Variants in DUSP16 observed in about 807,000 individuals in gnomAD.
The protein encoded by DUSP16 is dual specificity protein phosphatase 16.
Under a neutral mutation model 58.3 loss-of-function variants are expected in DUSP16, and 21 were observed. The observed-to-expected ratio is 0.36, with a 90% CI of 0.26 to 0.52. DUSP16 has a LOEUF of 0.52. Ranked by LOEUF, DUSP16 falls within the 20% of genes least tolerant of loss-of-function variation. The pLI is 0.94. For missense variants in DUSP16, 726 were observed against 819.0 expected, an observed-to-expected ratio of 0.89 and a Z score of 1.39; for synonymous variants, 320 against 323.8, an observed-to-expected ratio of 0.99 and a Z score of 0.12.
In DUSP16 at chr12:12,521,467, C is replaced by T. The variant is rs150288888; in HGVS notation, c.-365-4G>A. 17 of 1,057,348 alleles carry T rather than the reference C, an allele frequency of 1.6e-5. No homozygotes were observed. The East Asian group carries it at 3.8e-4, about 24-fold the overall frequency. The allele number at this position is 1,057,348 out of a possible 1,614,324, so 65.5% of individuals were successfully genotyped here. On this transcript the variant is annotated splice_region_variant and splice_polypyrimidine_tract_variant and intron_variant, in intron 1 of 6. Transcript: ENST00000298573. The stretch of plus-strand genomic sequence containing the variant: ...AGCTTTACACTGGACTGAAAGCCTA[C>T]GCGGAGAGAGAAAGACAGAAAACAA...
chr12:12,539,786 C>T (rs1224976363), intron 1 of DUSP16, among the ~76,000 whole-genome samples: 1 of 150,164 alleles, frequency 6.7e-6, no homozygotes, highest in East Asian at 2.0e-4. Context: ...CACAGTGGTT[C>T]ACACCTGCAA....
At chr12:12,497,423 T>C (rs1361817130) in intron 4 of DUSP16, among the ~76,000 whole-genome samples, 1 of 152,166 alleles carries the variant, frequency 6.6e-6, no homozygotes, top group Non-Finnish European at 1.5e-5. Context: ...TGGTGTAATA[T>C]AAGCATGGGA....
At position 12,521,401 on chromosome 12, in the gene DUSP16, G is replaced by A; in HGVS notation, c.-303C>T. ...AACAAAAGATGCTTTGGAGCAGCCA[G>A]CGCATTACATCATTCTTTACCTTTG... is the stretch of plus-strand genomic sequence containing the variant. On this transcript the variant is annotated 5_prime_UTR_variant, in exon 2 of 7. Coordinates refer to ENST00000298573, the MANE Select transcript of DUSP16 (RefSeq NM_030640.3). 1 of 1,261,566 alleles carries A rather than the reference G, an allele frequency of 7.9e-7. No individual in the cohort carries two copies. Among genetic ancestry groups the A allele is most frequent in the Non-Finnish European group, 1.0e-6 (1 of 994,312 alleles). The allele number at this position is 1,261,566 out of a possible 1,614,324, so 78.1% of individuals were successfully genotyped here. A position where few individuals can be genotyped will look rare whatever the true frequency, so the allele number is the denominator to read the frequency against.
rs527241198 is a variant in DUSP16 at position 12,477,639 on chromosome 12, G to A, written c.1192C>T (p.Arg398Cys). The part of the protein sequence containing the change: ...DRLEDSNKLK[R>C]SFSLDIKSVS... ...GATTTGATATCCAGAGAGAAGGAAC[G>A]CTTGAGCTTATTGCTGTCTTCCAGC... is the stretch of plus-strand genomic sequence containing the variant. The change falls in exon 7 of 7, where the codon CGT becomes TGT. Residue 398 changes from arginine to cysteine, a missense_variant. Coordinates refer to ENST00000298573, the MANE Select transcript of DUSP16 (RefSeq NM_030640.3). This position sits in a 1 kb window ranked among gnomAD's most constrained non-coding sequence, Gnocchi z 4.1. The A allele has an allele frequency of 9.3e-6, 15 of 1,614,220 alleles. No homozygotes were observed. The highest frequency in any genetic ancestry group is 6.7e-5 in the East Asian group (3 of 44,886).
At chr12:12,484,005 A>T (rs1194831281) in intron 5 of DUSP16, among the ~76,000 whole-genome samples, 1 of 151,938 alleles carries the variant, frequency 6.6e-6, no homozygotes, top group African/African-American at 2.4e-5. Flanking sequence ...AATTAAAAAA[A>T]AATTTTACAT....
chr12:12,516,759 T>C (rs1417472715), intron 3 of DUSP16, among the ~76,000 whole-genome samples: 1 of 152,258 alleles, frequency 6.6e-6, no homozygotes, highest in East Asian at 1.9e-4. Flanking sequence ...CTGCTTAATA[T>C]GCTTATATTC....
At chr12:12,553,656 C>T (rs533894481) in intron 1 of DUSP16, among the ~76,000 whole-genome samples, 6 of 152,214 alleles carry the variant, frequency 3.9e-5, no homozygotes, top group African/African-American at 1.2e-4. Context: ...GATCCTCCTA[C>T]CTGAGCCCCA....
intron 3 of DUSP16, among the ~76,000 whole-genome samples, chr12:12,508,657 A>C (rs544934595): frequency 1.1e-4 from 17 of 152,206 alleles, no homozygotes; most frequent in Non-Finnish European, 1.9e-4. Flanking sequence ...TTTCTCTTTC[A>C]GGAAGGCTGA....
Position 12,474,168 on chromosome 12 carries a change from G to A in DUSP16, c.*2665C>T, listed in dbSNP as rs1473404951. On this transcript the variant is annotated 3_prime_UTR_variant, in exon 7 of 7. Coordinates refer to ENST00000298573, the MANE Select transcript of DUSP16 (RefSeq NM_030640.3). Reference sequence around the variant, plus strand: ...ACCACTGCCTCCTTTGGCAACTTGAGTGGTGGTGTTCCCACCGAGTTTATG... The same window carrying A: ...ACCACTGCCTCCTTTGGCAACTTGAATGGTGGTGTTCCCACCGAGTTTATG... 1 of 152,224 alleles carries A rather than the reference G, an allele frequency of 6.6e-6. No homozygotes were observed. The highest frequency in any genetic ancestry group is 2.4e-5 in the African/African-American group (1 of 41,444). 9.4% of individuals were successfully genotyped at this position (152,224 alleles called of 1,614,324 possible).
chr12:12,499,863 G>A (rs1943884435), intron 4 of DUSP16, among the ~76,000 whole-genome samples: 1 of 151,978 alleles, frequency 6.6e-6, no homozygotes, highest in African/African-American at 2.4e-5. Flanking sequence ...TTGCTGTTCT[G>A]CTTGTACCAT....
At chr12:12,500,868 G>A (rs1049121799) in intron 3 of DUSP16, among the ~76,000 whole-genome samples, 186 bp from the exon 4 acceptor site, 4 of 152,142 alleles carry the variant, frequency 2.6e-5, no homozygotes, top group East Asian at 1.9e-4. Context: ...GGCCTATAAC[G>A]CTACCATGGG....
At chr12:12,494,262 T>C (rs1943799392) in intron 4 of DUSP16, among the ~76,000 whole-genome samples, 1 of 152,144 alleles carries the variant, frequency 6.6e-6, no homozygotes, top group Non-Finnish European at 1.5e-5. Context: ...GTTTTCTGAG[T>C]AAATTAACAG....
intron 3 of DUSP16, chr12:12,506,234 T>G (rs1487312303): frequency 6.6e-6 from 1 of 152,208 alleles, no homozygotes; most frequent in Non-Finnish European, 1.5e-5. Context: ...AAAATGTCCC[T>G]CTTCCTTTCG....
intron 6 of DUSP16, among the ~76,000 whole-genome samples, chr12:12,479,223 C>T (rs553514998): frequency 1.3e-5 from 2 of 151,834 alleles, no homozygotes; most frequent in African/African-American, 4.8e-5. Flanking sequence ...GGATACTTTT[C>T]AGGTGATGGA....
chr12:12,489,710 A>T (rs1784177049), intron 4 of DUSP16, among the ~76,000 whole-genome samples: 1 of 152,248 alleles, frequency 6.6e-6, no homozygotes, highest in Non-Finnish European at 1.5e-5. Flanking sequence ...GCAAGTCAAT[A>T]AGGACTGTCA....
At chr12:12,492,903 T>C (rs865934647) in intron 4 of DUSP16, among the ~76,000 whole-genome samples, 3 of 152,226 alleles carry the variant, frequency 2.0e-5, no homozygotes, top group Admixed American at 2.0e-4. Context: ...CCCTGATTAC[T>C]TGATTTCCTT....
intron 6 of DUSP16, 77 bp from the exon 7 acceptor site, chr12:12,478,092 G>A: frequency 7.9e-7 from 1 of 1,261,754 alleles, no homozygotes; most frequent in Non-Finnish European, 1.1e-6. Context: ...GAATAAATGA[G>A]ATAGGGAATT....
intron 1 of DUSP16, among the ~76,000 whole-genome samples, chr12:12,555,835 G>T (rs1014494412): frequency 2.0e-5 from 3 of 152,168 alleles, no homozygotes; most frequent in Non-Finnish European, 1.5e-5. Context: ...TTGAGCCCAG[G>T]AGTTCAAGAC....
intron 4 of DUSP16, among the ~76,000 whole-genome samples, chr12:12,492,581 A>G (rs1371887895): frequency 6.6e-6 from 1 of 151,758 alleles, no homozygotes; most frequent in African/African-American, 2.4e-5. Context: ...ACAAACCATT[A>G]TTTCTCCCAC....
Sources: allele counts gnomAD v4.1 joint callset (sites outside exome capture counted in the v4.1 genomes callset), GRCh38; gene constraint gnomAD v4.1.1; non-coding constraint Gnocchi (gnomAD v3.1); transcripts MANE v1.5; gene names NCBI Gene and HGNC (gene_info 2026-07-23, HGNC 2026-07-21).